Variants in NAV1 observed in about 807,000 individuals in gnomAD.
NAV1 encodes the protein neuron navigator 1, also known as pore membrane and/or filament interacting like protein 3.
Under a neutral mutation model 175.2 loss-of-function variants are expected in NAV1, and 18 were observed. That is an observed-to-expected ratio of 0.10 (90% CI 0.07 to 0.15). The LOEUF is 0.15. NAV1 is among the 10% of genes least tolerant of loss of function. The probability of loss-of-function intolerance (pLI) is 1.00; values close to 1 mark genes in which losing one functional copy is unlikely to be tolerated. For synonymous variants in NAV1, 897 were observed against 978.7 expected (o/e 0.92, Z 1.56); for missense variants, 1,731 against 2,436.6 (o/e 0.71, Z 6.10).
At chr1:201,580,170 A>G (rs1666806952) in intron 1 of NAV1, among the ~76,000 whole-genome samples, 1 of 152,202 alleles carries the variant, frequency 6.6e-6, no homozygotes, top group African/African-American at 2.4e-5. Context: ...CCCTTAGCAG[A>G]TTAGATGGTG....
chr1:201,727,997 T>A (rs1672680490), intron 3 of NAV1, among the ~76,000 whole-genome samples: 2 of 152,028 alleles, frequency 1.3e-5, no homozygotes, highest in Admixed American at 1.3e-4. Flanking sequence ...GCAGGGGGCA[T>A]AGGTGGGACA....
At chr1:201,637,878 G>A (rs1035770113) in intron 2 of NAV1, among the ~76,000 whole-genome samples, 4 of 152,218 alleles carry the variant, frequency 2.6e-5, no homozygotes, top group African/African-American at 9.6e-5. Context: ...CTGAGGCCCA[G>A]TGTGCAATAT....
chr1:201,685,676 G>T (rs1670658016), intron 1 of NAV1, among the ~76,000 whole-genome samples: 1 of 152,170 alleles, frequency 6.6e-6, no homozygotes. Flanking sequence ...TTTCCTCTGT[G>T]GTGATAATCA....
Position 201,809,351 on chromosome 1 carries a change from C to T in NAV1, c.4305+90C>T, listed in dbSNP as rs1558190521. 5 of 1,585,008 alleles carry T rather than the reference C, an allele frequency of 3.2e-6. No individual in the cohort carries two copies. In the South Asian group the frequency reaches 5.5e-5, roughly 18 times the overall value. On this transcript the variant is annotated intron_variant, in intron 21 of 29. Transcript: ENST00000367296. The stretch of plus-strand genomic sequence containing the variant: ...TCTGGACCCTGGGTACCTCCAAAAC[C>T]AAAGAACTCAACTCCTAAGGCCTTT...
intron 3 of NAV1, among the ~76,000 whole-genome samples, chr1:201,759,798 G>A (rs1674728415): frequency 6.6e-6 from 1 of 152,192 alleles, no homozygotes; most frequent in Non-Finnish European, 1.5e-5. Context: ...GTAATGAAGT[G>A]TGTCCTTAAA....
At chr1:201,725,644 G>A (rs975035981) in intron 3 of NAV1, among the ~76,000 whole-genome samples, 4 of 55,600 alleles carry the variant, frequency 7.2e-5, no homozygotes, top group East Asian at 6.9e-4. Flanking sequence ...GCAAGACTCC[G>A]TCTCTTAAAA....
chr1:201,710,767 A>C (rs1296306894), intron 1 of NAV1, among the ~76,000 whole-genome samples: 1 of 152,184 alleles, frequency 6.6e-6, no homozygotes, highest in Non-Finnish European at 1.5e-5. Flanking sequence ...TCATCTGTTA[A>C]ATGGGGCAGT....
At chr1:201,767,391 C>T (rs1210893629) in intron 3 of NAV1, among the ~76,000 whole-genome samples, 16 of 136,464 alleles carry the variant, frequency 1.2e-4, no homozygotes, top group African/African-American at 1.1e-4. Context: ...GTGGAGGTTG[C>T]AGTGAGCCGA....
intron 2 of NAV1, among the ~76,000 whole-genome samples, chr1:201,713,764 A>T (rs942692701): frequency 3.9e-5 from 6 of 152,150 alleles, no homozygotes; most frequent in African/African-American, 1.4e-4. Context: ...CCCCAGTTAG[A>T]CTGGAAGTAG....
chr1:201,749,028 A>T (rs1168534716), intron 3 of NAV1, among the ~76,000 whole-genome samples: 3 of 152,040 alleles, frequency 2.0e-5, no homozygotes, highest in Non-Finnish European at 4.4e-5. Flanking sequence ...GGTGACTACA[A>T]TCCCAGCTAC....
rs145865304 is a variant in NAV1, at chr1:201,786,529, C to T, written c.2947C>T (p.Pro983Ser). The T allele has an allele frequency of 2.5e-6, 4 of 1,613,804 alleles. No homozygotes were observed. In the African/African-American group the frequency reaches 5.3e-5, roughly 22 times the overall value. ...TGACCAGTCAGAGCTGCCTTCTCCCCCTGCACTTCCCATGTCTCTGAGTGC... is the reference window on the plus strand; with the variant it reads ...TGACCAGTCAGAGCTGCCTTCTCCCTCTGCACTTCCCATGTCTCTGAGTGC... Residue 983 changes from proline to serine, a missense_variant, in exon 9 of 30, where the codon CCT becomes TCT. Pro to Ser is a moderately conservative substitution (Grantham distance 74). Around this residue, in one of 13 missense-constraint regions of NAV1, gnomAD observed 634 missense variants for 766.8 expected, o/e 0.83. Transcript: ENST00000367296.
intron 1 of NAV1, among the ~76,000 whole-genome samples, chr1:201,552,667 A>G (rs895442434): frequency 1.3e-5 from 2 of 152,162 alleles, no homozygotes; most frequent in Non-Finnish European, 2.9e-5. Flanking sequence ...TCTGGCCTAG[A>G]GCCAATGTTG....
chr1:201,612,801 A>T (rs1052801681), intron 2 of NAV1, among the ~76,000 whole-genome samples: 1 of 151,916 alleles, frequency 6.6e-6, no homozygotes, highest in Non-Finnish European at 1.5e-5. Context: ...TTGTGTCTTG[A>T]TGTGTGAGTG....
intron 1 of NAV1, chr1:201,688,363 C>T (rs1571884870): frequency 6.6e-6 from 1 of 152,096 alleles, no homozygotes; most frequent in Admixed American, 6.5e-5. Context: ...TCTCCCTACT[C>T]CCATGGAATC....
intron 3 of NAV1, among the ~76,000 whole-genome samples, chr1:201,729,664 C>T (rs1433570324): frequency 1.3e-5 from 2 of 151,824 alleles, no homozygotes; most frequent in Admixed American, 6.6e-5. Context: ...CCCAGCACTT[C>T]GGGAGGCCGA....
intron 1 of NAV1, among the ~76,000 whole-genome samples, chr1:201,703,661 C>T (rs984586884): frequency 2.6e-5 from 4 of 152,350 alleles, no homozygotes; most frequent in East Asian, 1.9e-4. Flanking sequence ...ACTTTAAGCT[C>T]GTCTCCCCGG....
At chr1:201,805,966 T>C (rs913852417) in intron 17 of NAV1, among the ~76,000 whole-genome samples, 1 of 149,600 alleles carries the variant, frequency 6.7e-6, no homozygotes, top group African/African-American at 2.5e-5. Context: ...ATTTGAGAAG[T>C]ACTGCATTTT....
intron 3 of NAV1, among the ~76,000 whole-genome samples, chr1:201,756,704 A>G (rs559881056): frequency 7.9e-5 from 12 of 152,254 alleles, no homozygotes; most frequent in African/African-American, 2.6e-4. Flanking sequence ...CCTTCTCCAG[A>G]CCAATAGGTT....
At chr1:201,800,426 C>T (rs1677776561) in intron 15 of NAV1, among the ~76,000 whole-genome samples, 2 of 152,216 alleles carry the variant, frequency 1.3e-5, no homozygotes, top group Non-Finnish European at 2.9e-5. Flanking sequence ...AAGTCTGGCT[C>T]ACCACTCTGT....
Sources: gnomAD v4.1 joint callset for allele counts (sites outside exome capture counted in the v4.1 genomes callset) on GRCh38, gnomAD v4.1.1 for gene constraint, gnomAD v4.1.1 regional missense constraint, MANE v1.5 for transcripts, NCBI Gene and HGNC (gene_info 2026-07-23, HGNC 2026-07-21) for gene names.